CDKAL1: variants seen among roughly 807,000 people sequenced by gnomAD.
CDKAL1 encodes CDKAL1 threonylcarbamoyladenosine tRNA methylthiotransferase, also known as threonylcarbamoyladenosine tRNA methylthiotransferase.
CDKAL1 carries 32 observed loss-of-function variants against 68.2 expected under a neutral mutation model. The ratio of observed to expected loss-of-function variants is 0.47; its 90% CI spans 0.35 to 0.63. CDKAL1 has a LOEUF of 0.63. Ranked by LOEUF, CDKAL1 falls within the 30% of genes least tolerant of loss-of-function variation. The probability of loss-of-function intolerance (pLI) is 0.00; values close to 1 mark genes in which losing one functional copy is unlikely to be tolerated. For synonymous variants in CDKAL1, 234 were observed against 244.3 expected, an observed-to-expected ratio of 0.96 and a Z score of 0.39; for missense variants, 606 against 696.7, an observed-to-expected ratio of 0.87 and a Z score of 1.47.
chr6:21,186,872 C>T (rs948248344), intron 13 of CDKAL1, among the ~76,000 whole-genome samples: 9 of 151,986 alleles, frequency 5.9e-5, no homozygotes, highest in African/African-American at 1.9e-4. Flanking sequence ...CAGCCCTCTC[C>T]AATAAAAATA....
At chr6:20,828,861 C>T (rs1446701462) in intron 8 of CDKAL1, among the ~76,000 whole-genome samples, 1 of 152,150 alleles carries the variant, frequency 6.6e-6, no homozygotes, top group East Asian at 1.9e-4. Flanking sequence ...CTCCCCATTC[C>T]CTGCAGCCCC....
intron 10 of CDKAL1, among the ~76,000 whole-genome samples, chr6:20,963,789 T>C (rs1765169577): frequency 6.6e-6 from 1 of 152,180 alleles, no homozygotes; most frequent in African/African-American, 2.4e-5. Flanking sequence ...AGACCTATCT[T>C]ATGTGCTTCA....
chr6:21,187,057 T>C (rs1176087204), intron 13 of CDKAL1, among the ~76,000 whole-genome samples: 1 of 152,230 alleles, frequency 6.6e-6, no homozygotes, highest in Non-Finnish European at 1.5e-5. Flanking sequence ...CATTCTTTTA[T>C]TCATGTGAAA....
intron 9 of CDKAL1, among the ~76,000 whole-genome samples, chr6:20,872,392 G>A (rs1760269771): frequency 6.6e-6 from 1 of 152,194 alleles, no homozygotes; most frequent in Non-Finnish European, 1.5e-5. Flanking sequence ...GGTCATCAGT[G>A]TGTAGAGAAA....
intron 5 of CDKAL1, among the ~76,000 whole-genome samples, chr6:20,692,417 A>G (rs1755285902): frequency 6.6e-6 from 1 of 152,216 alleles, no homozygotes; most frequent in Non-Finnish European, 1.5e-5. Context: ...CAATAAGTGA[A>G]ATGATAGTAA....
chr6:21,169,496 C>G (rs1196696182), intron 13 of CDKAL1, among the ~76,000 whole-genome samples: 4 of 152,186 alleles, frequency 2.6e-5, no homozygotes, highest in Non-Finnish European at 5.9e-5. Context: ...ATTAGCCAGG[C>G]TTGGTGGTGC....
chr6:21,150,190 G>T (rs1443427280), intron 13 of CDKAL1, among the ~76,000 whole-genome samples: 1 of 152,122 alleles, frequency 6.6e-6, no homozygotes, highest in South Asian at 2.1e-4. Flanking sequence ...ACTAGTGATG[G>T]TGAGGATCTA....
intron 5 of CDKAL1, among the ~76,000 whole-genome samples, chr6:20,690,771 C>T (rs2127802392): frequency 6.6e-6 from 1 of 152,174 alleles, no homozygotes; most frequent in Non-Finnish European, 1.5e-5. Flanking sequence ...GTCAAGACTA[C>T]TTTACCATGT....
intron 5 of CDKAL1, among the ~76,000 whole-genome samples, chr6:20,724,583 G>C (rs1772555055): frequency 2.6e-5 from 4 of 151,932 alleles, no homozygotes; most frequent in African/African-American, 7.3e-5. Flanking sequence ...TGAGAGTGGA[G>C]GTGCGTGCCT....
At chr6:20,744,575 C>T (rs1773588334) in intron 6 of CDKAL1, among the ~76,000 whole-genome samples, 1 of 152,026 alleles carries the variant, frequency 6.6e-6, no homozygotes, top group Non-Finnish European at 1.5e-5. Flanking sequence ...GAGATGGGTC[C>T]CTAGACCACA....
At chr6:20,692,993 G>A (rs1770938388) in intron 5 of CDKAL1, among the ~76,000 whole-genome samples, 1 of 151,894 alleles carries the variant, frequency 6.6e-6, no homozygotes, top group Admixed American at 6.6e-5. Context: ...AGCCGGGCAT[G>A]GTGGCAGGTG....
intron 5 of CDKAL1, among the ~76,000 whole-genome samples, chr6:20,654,145 A>G (rs1327113226): frequency 6.6e-6 from 1 of 152,138 alleles, no homozygotes; most frequent in Non-Finnish European, 1.5e-5. Flanking sequence ...GGCCTCCCAA[A>G]GTACTGGGAT....
At chr6:20,964,788 AAC>A (rs1765222495) in intron 10 of CDKAL1, among the ~76,000 whole-genome samples, 1 of 152,188 alleles carries the variant, frequency 6.6e-6, no homozygotes, top group African/African-American at 2.4e-5. Context: ...CCTGAACTTA[AAC>A]AGAAGTTAAA....
At chr6:20,870,603 C>G (rs1003929740) in intron 9 of CDKAL1, among the ~76,000 whole-genome samples, 5 of 151,992 alleles carry the variant, frequency 3.3e-5, no homozygotes, top group African/African-American at 1.2e-4. Context: ...GCATTTTTTT[C>G]CCCTCATACA....
At chr6:21,120,798 A>G (rs576772465) in intron 13 of CDKAL1, among the ~76,000 whole-genome samples, 2 of 152,320 alleles carry the variant, frequency 1.3e-5, no homozygotes, top group Admixed American at 6.5e-5. Context: ...TTTTAAAAAA[A>G]TAGCTGTATA....
At chr6:21,192,857 C>A (rs1163372738) in intron 13 of CDKAL1, among the ~76,000 whole-genome samples, 2 of 148,108 alleles carry the variant, frequency 1.4e-5, no homozygotes, top group Non-Finnish European at 3.0e-5. Context: ...CTCTGTCTCC[C>A]AGGCTAGAAT....
At chr6:20,911,394 G>A (rs932144406) in intron 9 of CDKAL1, among the ~76,000 whole-genome samples, 2 of 152,192 alleles carry the variant, frequency 1.3e-5, no homozygotes, top group African/African-American at 2.4e-5. Context: ...AAAAGGAGGC[G>A]CTCTGTTGAG....
chr6:20,908,849 G>T (rs1177983895), intron 9 of CDKAL1, among the ~76,000 whole-genome samples: 1 of 152,024 alleles, frequency 6.6e-6, no homozygotes, highest in Non-Finnish European at 1.5e-5. Context: ...TTTCTAAGAG[G>T]AATTTTCATT....
At chr6:20,979,461 G>A (rs980254541) in intron 10 of CDKAL1, among the ~76,000 whole-genome samples, 31 of 152,228 alleles carry the variant, frequency 2.0e-4, no homozygotes, top group African/African-American at 6.7e-4. Flanking sequence ...GCTTAGAGGT[G>A]AGCAATTGCA....
Sources: allele counts gnomAD v4.1 joint callset (sites outside exome capture counted in the v4.1 genomes callset), GRCh38; gene constraint gnomAD v4.1.1; transcripts MANE v1.5; gene names NCBI Gene and HGNC (gene_info 2026-07-23, HGNC 2026-07-21).